CAMKK1: variants seen among roughly 807,000 people sequenced by gnomAD.
CAMKK1 encodes the protein calcium/calmodulin dependent protein kinase kinase 1, also known as calcium/calmodulin-dependent protein kinase kinase 1.
In CAMKK1, 20 loss-of-function variants were observed where a neutral mutation model predicts 63.5. The ratio of observed to expected loss-of-function variants is 0.32; its 90% CI spans 0.22 to 0.46. The LOEUF (loss-of-function observed/expected upper bound fraction) is 0.46, where lower values mean the gene tolerates loss of function less well. Ranked by LOEUF, CAMKK1 falls within the 20% of genes least tolerant of loss-of-function variation. The probability of loss-of-function intolerance (pLI) is 1.00; values close to 1 mark genes in which losing one functional copy is unlikely to be tolerated. For missense variants in CAMKK1, 588 were observed against 658.1 expected, an observed-to-expected ratio of 0.89 and a Z score of 1.17; for synonymous variants, 253 against 269.0, an observed-to-expected ratio of 0.94 and a Z score of 0.58.
rs74582253 is a variant in CAMKK1 at position 3,882,324 on chromosome 17, G to C, written c.685+204C>G. The stretch of plus-strand genomic sequence containing the variant: ...AGGGAAGCAGGGAGTGGGGCTTGGC[G>C]ATATTTGTTGAATCTAACTGGATAT... On this transcript the variant is annotated intron_variant, in intron 7 of 15. Transcript: ENST00000348335. This position sits in a 1 kb window ranked among gnomAD's most constrained non-coding sequence, Gnocchi z 4.3. 11 of 1,614,060 alleles carry C rather than the reference G, an allele frequency of 6.8e-6. No individual in the cohort carries two copies. Among genetic ancestry groups the C allele is most frequent in the Admixed American group, 1.7e-5 (1 of 60,016 alleles).
rs1420921475 is a variant in CAMKK1 at position 3,884,269 on chromosome 17, C to T, written c.408+111G>A. On this transcript the variant is annotated intron_variant, in intron 3 of 15. Coordinates refer to ENST00000348335, the MANE Select transcript of CAMKK1 (RefSeq NM_032294.3). This position sits in a 1 kb window ranked among gnomAD's most constrained non-coding sequence, Gnocchi z 4.5. ...CAGGGCACGAAACTGTCCTCACCTC[C>T]AGGCTAGGACTTGCCTGGCTCTGCC... 33 of 1,213,136 alleles carry T rather than the reference C, an allele frequency of 2.7e-5. No homozygotes were observed. Among genetic ancestry groups the T allele is most frequent in the Non-Finnish European group, 3.4e-5 (28 of 829,000 alleles). 75.1% of individuals were successfully genotyped at this position (1,213,136 alleles called of 1,614,324 possible). A position where few individuals can be genotyped will look rare whatever the true frequency, so the allele number is the denominator to read the frequency against.
At position 3,884,328 on chromosome 17, in the gene CAMKK1, G is replaced by A. The variant is rs2055548382; in HGVS notation, c.408+52C>T. 2.1e-5 allele frequency: 34 copies of A among 1,584,050 alleles called. No homozygotes were observed. Among genetic ancestry groups the A allele is most frequent in the Admixed American group, 5.0e-5 (3 of 59,822 alleles). On this transcript the variant is annotated intron_variant, in intron 3 of 15. Coordinates refer to ENST00000348335, the MANE Select transcript of CAMKK1 (RefSeq NM_032294.3). This position sits in a 1 kb window ranked among gnomAD's most constrained non-coding sequence, Gnocchi z 4.5. ...CCTCCCACACGAGAGAAGGAGCAGC[G>A]CCAAACAGAGAATCCCGAAGCCCCC...
intron 15 of CAMKK1, chr17:3,865,462 G>A (rs2054482136): frequency 1.0e-6 from 1 of 1,003,796 alleles, no homozygotes; most frequent in Non-Finnish European, 1.2e-6. Context: ...CAGGCAGAGG[G>A]GCCAGCACCC....
chr17:3,882,325 A>T lies in CAMKK1; in HGVS notation c.685+203T>A. The T allele has an allele frequency of 6.2e-7, 1 of 1,614,038 alleles. No individual in the cohort carries two copies. Among genetic ancestry groups the T allele is most frequent in the Non-Finnish European group, 8.5e-7 (1 of 1,179,986 alleles). ...GGGAAGCAGGGAGTGGGGCTTGGCG[A>T]TATTTGTTGAATCTAACTGGATATT... On this transcript the variant is annotated intron_variant, in intron 7 of 15. Transcript: ENST00000348335. This position sits in a 1 kb window ranked among gnomAD's most constrained non-coding sequence, Gnocchi z 4.3.
intron 12 of CAMKK1, 63 bp from the exon 13 acceptor site, chr17:3,869,951 C>T (rs958392748): frequency 1.5e-6 from 2 of 1,356,874 alleles, no homozygotes; most frequent in African/African-American, 1.4e-5. Flanking sequence ...TCCTGTCCAC[C>T]TCTCTTCCCG....
At chr17:3,871,615 C>T (rs1388458994) in intron 12 of CAMKK1, among the ~76,000 whole-genome samples, 2 of 149,738 alleles carry the variant, frequency 1.3e-5, no homozygotes, top group Non-Finnish European at 3.0e-5. Flanking sequence ...CTTGGCCTCC[C>T]AAAGTGCTGG....
chr17:3,863,695 G>A (rs1597434051), intron 15 of CAMKK1, among the ~76,000 whole-genome samples: 1 of 152,078 alleles, frequency 6.6e-6, no homozygotes, highest in African/African-American at 2.4e-5. Flanking sequence ...GGGCAACATG[G>A]CAAGACTCCA....
chr17:3,862,305 C>G lies in CAMKK1; in HGVS notation c.1446-22G>C, dbSNP rs177985. On this transcript the variant is annotated intron_variant, in intron 15 of 15. Coordinates refer to ENST00000348335, the MANE Select transcript of CAMKK1 (RefSeq NM_032294.3). The surrounding 1 kb of genome is among the most constrained non-coding windows in gnomAD (Gnocchi z 4.1). Reference sequence around the variant, plus strand: ...TTTCCTGTTCAGGGGACACCAGGGACAGAGGGACCTCAGGGTCAGAATATG... The same window carrying G: ...TTTCCTGTTCAGGGGACACCAGGGAGAGAGGGACCTCAGGGTCAGAATATG... 286,139 of 1,556,304 alleles carry G rather than the reference C, an allele frequency of 0.18. 28,410 individuals are homozygous for G. Among genetic ancestry groups the G allele is most frequent in the African/African-American group, 0.23 (17,023 of 73,462 alleles).
At chr17:3,869,079 C>T (rs1013973908) in intron 14 of CAMKK1, among the ~76,000 whole-genome samples, 1 of 152,146 alleles carries the variant, frequency 6.6e-6, no homozygotes, top group East Asian at 1.9e-4. Context: ...CACCATTCTC[C>T]TGCCTCAGCC....
At chr17:3,880,233 T>C (rs545046675) in intron 9 of CAMKK1, 113 bp downstream of exon 9, 4 of 879,884 alleles carry the variant, frequency 4.5e-6, no homozygotes, top group East Asian at 2.7e-5. Flanking sequence ...CTGAAGCTGA[T>C]TGGCAGGTCA....
intron 12 of CAMKK1, among the ~76,000 whole-genome samples, chr17:3,870,849 G>A (rs1453349966): frequency 6.6e-6 from 1 of 152,094 alleles, no homozygotes; most frequent in Non-Finnish European, 1.5e-5. Context: ...CAGGAAGAGA[G>A]GCACCAGGGG....
At chr17:3,878,093 CA>C (rs1474927272) in intron 9 of CAMKK1, among the ~76,000 whole-genome samples, 11 of 152,328 alleles carry the variant, frequency 7.2e-5, no homozygotes, top group African/African-American at 2.6e-4. Flanking sequence ...TCCTGCTCAT[CA>C]GCAAGGTCTG....
chr17:3,891,392 G>A (rs527951756), intron 1 of CAMKK1, among the ~76,000 whole-genome samples: 16 of 152,208 alleles, frequency 1.1e-4, no homozygotes, highest in Non-Finnish European at 2.1e-4. Context: ...GAAAGGGGCT[G>A]GGAGATGCTG....
intron 12 of CAMKK1, among the ~76,000 whole-genome samples, chr17:3,871,333 G>GGTTTTTTTTTTTGTTTT (rs1567617833): frequency 9.0e-6 from 1 of 111,006 alleles, no homozygotes; most frequent in African/African-American, 3.2e-5. Flanking sequence ...GTTGTTTTTT[G>GGTTTTTTTTTTTGTTTT]TTTTTTTTTT....
rs973223854 is a variant in CAMKK1 at position 3,887,717 on chromosome 17, G to A, written c.-43-1987C>T. 5.1e-4 allele frequency among the ~76,000 whole-genome samples: 78 copies of A among 152,090 alleles called. No homozygotes were observed. Among genetic ancestry groups the A allele is most frequent in the African/African-American group, 1.6e-3 (66 of 41,506 alleles). ...AGGAGGTGAGAGGCTGTGGCATAGGGAGGCCTCCCTGGAGGAGGTGAGAGG... is the reference window on the plus strand; with the variant it reads ...AGGAGGTGAGAGGCTGTGGCATAGGAAGGCCTCCCTGGAGGAGGTGAGAGG... On this transcript the variant is annotated intron_variant, in intron 1 of 15. Coordinates refer to ENST00000348335, the MANE Select transcript of CAMKK1 (RefSeq NM_032294.3). This position sits in a 1 kb window ranked among gnomAD's most constrained non-coding sequence, Gnocchi z 6.1.
chr17:3,873,273 CTT>C, intron 11 of CAMKK1, 134 bp downstream of exon 11: 1 of 767,666 alleles, frequency 1.3e-6, no homozygotes, highest in Non-Finnish European at 2.2e-6. Flanking sequence ...GAAAAAGCCT[CTT>C]CTCTCTCAGC....
intron 1 of CAMKK1, among the ~76,000 whole-genome samples, chr17:3,886,259 C>G (rs1453959069): frequency 6.6e-6 from 1 of 152,214 alleles, no homozygotes; most frequent in Non-Finnish European, 1.5e-5. Flanking sequence ...CCTCCTACCC[C>G]CATCCCTCTC....
In CAMKK1 at chr17:3,872,632, G is replaced by C; in HGVS notation, c.1051-5C>G. ...GAAATCGTCGATGAATGGGCACTGT[G>C]GGGTGGAGAGGCAGACAAAGGATGT... On this transcript the variant is annotated splice_polypyrimidine_tract_variant and splice_region_variant and intron_variant, in intron 11 of 15. Transcript: ENST00000348335. 1 of 1,612,886 alleles carries C rather than the reference G, an allele frequency of 6.2e-7. No individual in the cohort carries two copies. Among genetic ancestry groups the C allele is most frequent in the Non-Finnish European group, 8.5e-7 (1 of 1,178,876 alleles).
rs200971966 is a variant in CAMKK1, at chr17:3,869,582, G to T, written c.1246C>A (p.Pro416Thr). ...CAGTGCTCCTCCTCCGAAGGAAGGG[G>T]CTCCTCCCCGTTCTTGGTCACCCAA... ...HPWVTKNGEE[P>T]LPSEEEHCSV... The change falls in exon 14 of 16, where the codon CCC (proline) becomes ACC (threonine). Residue 416 changes from proline to threonine, a missense_variant. This residue lies in a region of CAMKK1 where 226 missense variants were observed against 229.2 expected (regional missense o/e 0.99). Coordinates refer to ENST00000348335, the MANE Select transcript of CAMKK1 (RefSeq NM_032294.3). 17 of 1,614,224 alleles carry T rather than the reference G, an allele frequency of 1.1e-5. No homozygotes were observed. The Admixed American group carries it at 2.7e-4, about 25-fold the overall frequency.
Sources: allele counts gnomAD v4.1 joint callset (sites outside exome capture counted in the v4.1 genomes callset), GRCh38; gene constraint gnomAD v4.1.1; regional missense constraint gnomAD v4.1.1; non-coding constraint Gnocchi (gnomAD v3.1); transcripts MANE v1.5; gene names NCBI Gene and HGNC (gene_info 2026-07-23, HGNC 2026-07-21).